WSCD2: variants seen among roughly 807,000 people sequenced by gnomAD.
The protein encoded by WSCD2 is sialate:O-sulfotransferase 2.
A neutral mutation model predicts 55.7 loss-of-function variants in WSCD2; 28 were observed. The observed-to-expected ratio is 0.50, with a 90% CI of 0.37 to 0.69. WSCD2 has a LOEUF of 0.69. Ranked by LOEUF, WSCD2 falls within the 30% of genes least tolerant of loss-of-function variation. WSCD2 has a pLI of 0.00. For missense variants in WSCD2, 616 were observed against 762.1 expected (o/e 0.81, Z 2.26); for synonymous variants, 301 against 301.9 (o/e 1.00, Z 0.03).
chr12:108,206,545 G>A, intron 3 of WSCD2, 142 bp downstream of exon 3: 1 of 755,074 alleles, frequency 1.3e-6, no homozygotes, highest in Non-Finnish European at 2.2e-6. Context: ...AAGGGTGTGT[G>A]TGCATTGTGT....
intron 1 of WSCD2, among the ~76,000 whole-genome samples, chr12:108,163,152 C>T (rs575446348): frequency 1.3e-5 from 2 of 152,166 alleles, no homozygotes; most frequent in East Asian, 1.9e-4. Flanking sequence ...AGTCTGAGCT[C>T]GTAAAAAGTC....
Position 108,249,361 on chromosome 12 carries a change from T to A in WSCD2, c.*1018T>A, listed in dbSNP as rs769698296. ...ACCATATATCTCCCCTTGATCATAG[T>A]CCAACAGGGCCAGCTTCCCTTGGGG... On this transcript the variant is annotated 3_prime_UTR_variant, in exon 9 of 9. Coordinates refer to ENST00000547525, the MANE Select transcript of WSCD2 (RefSeq NM_014653.4). The A allele has an allele frequency of 6.6e-6, 1 of 152,550 alleles. No homozygotes were observed. Among genetic ancestry groups the A allele is most frequent in the African/African-American group, 2.4e-5 (1 of 41,456 alleles). The allele number at this position is 152,550 out of a possible 1,614,324, so 9.4% of individuals were successfully genotyped here. A position where few individuals can be genotyped will look rare whatever the true frequency, so the allele number is the denominator to read the frequency against.
rs1883783627 is a variant in WSCD2, at chr12:108,195,378, G to A, written c.-455G>A. On this transcript the variant is annotated 5_prime_UTR_variant, in exon 2 of 9. Transcript: ENST00000547525. ...CCAAGCTTGGTCTTCAGCTGGGGAA[G>A]AGGCCAGAAACAAGGCCCCCAGTGA... 1 of 154,650 alleles carries A rather than the reference G, an allele frequency of 6.5e-6. No homozygotes were observed. Among genetic ancestry groups the A allele is most frequent in the South Asian group, 2.0e-4 (1 of 4,884 alleles). The allele number at this position is 154,650 out of a possible 1,614,324, so 9.6% of individuals were successfully genotyped here. A position where few individuals can be genotyped will look rare whatever the true frequency, so the allele number is the denominator to read the frequency against.
chr12:108,180,420 T>G (rs1007489599), intron 1 of WSCD2, among the ~76,000 whole-genome samples: 5 of 152,256 alleles, frequency 3.3e-5, no homozygotes, highest in African/African-American at 1.2e-4. Flanking sequence ...TGCAGGATAC[T>G]CTCGCTGTGG....
chr12:108,235,118 T>C (rs536140051), intron 7 of WSCD2, among the ~76,000 whole-genome samples: 3 of 152,366 alleles, frequency 2.0e-5, no homozygotes, highest in African/African-American at 7.2e-5. Flanking sequence ...TTATCAGCTA[T>C]GAGAGCTTGT....
At chr12:108,179,262 GA>G (rs1223721179) in intron 1 of WSCD2, among the ~76,000 whole-genome samples, 13 of 151,392 alleles carry the variant, frequency 8.6e-5, no homozygotes, top group African/African-American at 2.9e-4. Context: ...TTCAGCGGGG[GA>G]GGGGGGGCAG....
chr12:108,179,419 G>C (rs574188301), intron 1 of WSCD2, among the ~76,000 whole-genome samples: 1 of 152,336 alleles, frequency 6.6e-6, no homozygotes, highest in African/African-American at 2.4e-5. Flanking sequence ...GGCCAAACCA[G>C]ATTCCATATG....
intron 1 of WSCD2, among the ~76,000 whole-genome samples, chr12:108,164,162 T>TC (rs1879390453): frequency 2.8e-5 from 4 of 144,652 alleles, no homozygotes; most frequent in Non-Finnish European, 6.1e-5. Flanking sequence ...TTTTTTTTTT[T>TC]CAGAGAGGGG....
At chr12:108,199,442 C>A (rs184528285) in intron 2 of WSCD2, among the ~76,000 whole-genome samples, 2 of 152,294 alleles carry the variant, frequency 1.3e-5, no homozygotes, top group Non-Finnish European at 2.9e-5. Flanking sequence ...CTAGGCCTCT[C>A]TAGGTTCACA....
At chr12:108,220,562 C>G (rs1887379838) in intron 4 of WSCD2, among the ~76,000 whole-genome samples, 1 of 152,204 alleles carries the variant, frequency 6.6e-6, no homozygotes, top group African/African-American at 2.4e-5. Flanking sequence ...CAAGGTCCCA[C>G]TCTGTCAACC....
Position 108,232,764 on chromosome 12 carries a change from G to A in WSCD2, c.1013G>A (p.Gly338Asp). The A allele has an allele frequency of 1.2e-6, 2 of 1,613,624 alleles. No individual in the cohort carries two copies. The highest frequency in any genetic ancestry group is 1.7e-6 in the Non-Finnish European group (2 of 1,179,882). ...NRCMDRRFLPGKSKQLIALAS... is the reference protein window; with the variant it reads ...NRCMDRRFLPDKSKQLIALAS... ...TGCATGGACAGAAGGTTCCTGCCAG[G>A]CAAGTCCAAGCAGCTCATTGCTTTG... The change falls in exon 7 of 9, where the codon GGC (glycine) becomes GAC (aspartate). Residue 338 changes from glycine (G) to aspartate (D), a missense_variant. Physicochemically the swap from Gly to Asp is moderately conservative, Grantham distance 94 (BLOSUM62 -1). Around this residue, in one of 3 missense-constraint regions of WSCD2, gnomAD observed 374 missense variants for 467.4 expected, o/e 0.80. Coordinates refer to ENST00000547525, the MANE Select transcript of WSCD2 (RefSeq NM_014653.4).
rs559017085 is a variant in WSCD2 at position 108,211,740 on chromosome 12, G to A, written c.682+1435G>A. 3.6e-4 allele frequency among the ~76,000 whole-genome samples: 54 copies of A among 150,234 alleles called. 1 individual carries two copies. Among genetic ancestry groups the A allele is most frequent in the Middle Eastern group, 6.9e-3 (2 of 290 alleles). On this transcript the variant is annotated intron_variant, in intron 4 of 8. Coordinates refer to ENST00000547525, the MANE Select transcript of WSCD2 (RefSeq NM_014653.4). ...GTGATCTTGGCTCATTGCAACCCCC[G>A]TATGCCAGGTTCAAGCAATTCTCCT...
At chr12:108,246,532 C>T (rs1285770479) in intron 8 of WSCD2, among the ~76,000 whole-genome samples, 3 of 152,322 alleles carry the variant, frequency 2.0e-5, no homozygotes, top group South Asian at 2.1e-4. Flanking sequence ...CCCTTCTGCA[C>T]TTTCCCCAGC....
intron 8 of WSCD2, among the ~76,000 whole-genome samples, chr12:108,247,711 A>G (rs887010923): frequency 1.3e-5 from 2 of 152,166 alleles, no homozygotes; most frequent in Non-Finnish European, 2.9e-5. Flanking sequence ...ATGCACCTCC[A>G]TGCCCAGCTA....
At chr12:108,232,614 C>T (rs1888890670) in intron 6 of WSCD2, 117 bp from the exon 7 acceptor site, 4 of 1,024,124 alleles carry the variant, frequency 3.9e-6, no homozygotes, top group Admixed American at 2.6e-5. Context: ...CGCAAGTGTC[C>T]TGTGCCCTTG....
intron 6 of WSCD2, among the ~76,000 whole-genome samples, chr12:108,232,021 G>A (rs1436415661): frequency 1.3e-5 from 2 of 152,116 alleles, no homozygotes; most frequent in Admixed American, 6.5e-5. Flanking sequence ...AATGGAGAGG[G>A]AACAGCATGC....
At chr12:108,135,020 T>A (rs1156789569) in intron 1 of WSCD2, among the ~76,000 whole-genome samples, 2 of 152,200 alleles carry the variant, frequency 1.3e-5, no homozygotes, top group African/African-American at 4.8e-5. Context: ...ACATTTGACA[T>A]TTCCCCCCTT....
chr12:108,178,470 C>T (rs1237128607), intron 1 of WSCD2, among the ~76,000 whole-genome samples: 4 of 152,228 alleles, frequency 2.6e-5, no homozygotes, highest in Non-Finnish European at 5.9e-5. Flanking sequence ...ACGATTGTTC[C>T]TTGCTATGCA....
chr12:108,200,523 A>G (rs1380863047), intron 2 of WSCD2, among the ~76,000 whole-genome samples: 1 of 152,192 alleles, frequency 6.6e-6, no homozygotes, highest in African/African-American at 2.4e-5. Flanking sequence ...TTTATCAAAC[A>G]CCTACTACAT....
Sources: gnomAD v4.1 joint callset for allele counts (sites outside exome capture counted in the v4.1 genomes callset) on GRCh38, gnomAD v4.1.1 for gene constraint, gnomAD v4.1.1 regional missense constraint, MANE v1.5 for transcripts, NCBI Gene and HGNC (gene_info 2026-07-23, HGNC 2026-07-21) for gene names.